Variants in EXOC2 observed in about 807,000 individuals in gnomAD.
EXOC2 encodes SEC5-like 1.
EXOC2 carries 70 observed loss-of-function variants against 131.8 expected under a neutral mutation model. The observed-to-expected ratio is 0.53, with a 90% CI of 0.44 to 0.65. EXOC2 has a LOEUF of 0.65. EXOC2 is among the 30% of genes least tolerant of loss of function. The probability of loss-of-function intolerance (pLI) is 0.00; values close to 1 mark genes in which losing one functional copy is unlikely to be tolerated. For missense variants in EXOC2, 923 were observed against 1,108.6 expected (o/e 0.83, Z 2.38); for synonymous variants, 411 against 398.4 (o/e 1.03, Z -0.38).
chr6:606,437 C>A (rs1760417848), intron 7 of EXOC2, among the ~76,000 whole-genome samples: 1 of 150,936 alleles, frequency 6.6e-6, no homozygotes, highest in Non-Finnish European at 1.5e-5. Flanking sequence ...AGAATCTCCA[C>A]ATCACAAGAA....
chr6:597,985 A>G lies in EXOC2; in HGVS notation c.1073+36T>C, dbSNP rs201907064. 290 of 1,479,636 alleles carry G rather than the reference A, an allele frequency of 2.0e-4. 2 individuals carry two copies. The highest frequency in any genetic ancestry group is 2.6e-4 in the Non-Finnish European group (273 of 1,062,068). 91.7% of individuals were successfully genotyped at this position (1,479,636 alleles called of 1,614,324 possible). A position where few individuals can be genotyped will look rare whatever the true frequency, so the allele number is the denominator to read the frequency against. On this transcript the variant is annotated intron_variant, in intron 10 of 27. Coordinates refer to ENST00000230449, the MANE Select transcript of EXOC2 (RefSeq NM_018303.6). ...AAGATGCATACAGTACCAAACAGAT[A>G]CATGTGATTCAACAAAATGTTTGCA...
intron 23 of EXOC2, among the ~76,000 whole-genome samples, chr6:515,980 AAC>A: frequency 6.6e-6 from 1 of 152,348 alleles, no homozygotes; most frequent in Middle Eastern, 3.4e-3. Context: ...TAGGAAGTCC[AAC>A]CATAACATTT....
At chr6:655,389 A>C (rs893843060) in intron 1 of EXOC2, among the ~76,000 whole-genome samples, 1 of 152,242 alleles carries the variant, frequency 6.6e-6, no homozygotes, top group East Asian at 1.9e-4. Context: ...TAATGCAAAC[A>C]TAACTTTTAT....
At chr6:643,081 A>C (rs1397160935) in intron 1 of EXOC2, among the ~76,000 whole-genome samples, 1 of 152,232 alleles carries the variant, frequency 6.6e-6, no homozygotes, top group African/African-American at 2.4e-5. Flanking sequence ...AACAATCAAA[A>C]CTGTATACAC....
chr6:551,195 T>TA (rs1757124536), intron 21 of EXOC2, among the ~76,000 whole-genome samples: 1 of 152,188 alleles, frequency 6.6e-6, no homozygotes, highest in African/African-American at 2.4e-5. Flanking sequence ...TCTTAGATTA[T>TA]TTCAGTGATC....
intron 22 of EXOC2, among the ~76,000 whole-genome samples, chr6:540,382 G>A (rs181914976): frequency 5.9e-5 from 9 of 152,248 alleles, no homozygotes; most frequent in Admixed American, 2.6e-4. Context: ...CAGAATAATC[G>A]GAAAGACACT....
At chr6:629,789 T>C in intron 4 of EXOC2, 46 bp downstream of exon 4, 1 of 1,603,156 alleles carries the variant, frequency 6.2e-7, no homozygotes, top group Non-Finnish European at 8.5e-7. Flanking sequence ...ATAAAACTTT[T>C]CAGGAACTGA....
chr6:502,441 G>A (rs533713298), intron 23 of EXOC2, among the ~76,000 whole-genome samples: 20 of 152,094 alleles, frequency 1.3e-4, no homozygotes, highest in Non-Finnish European at 2.4e-4. Context: ...GAAGCCAGGC[G>A]GTGTCACATG....
At position 610,132 on chromosome 6, in the gene EXOC2, T is replaced by C. The variant is rs1760640941; in HGVS notation, c.708A>G (p.Gly236=). 1.2e-6 allele frequency: 2 copies of C among 1,614,014 alleles called. No homozygotes were observed. The highest frequency in any genetic ancestry group is 8.5e-7 in the Non-Finnish European group (1 of 1,180,016). The part of the protein sequence containing the change: ...LEADGTEKVE[G]SMTQKLENVL... ...CATTCTCCAGTTTCTGCGTCATGGATCCTTCTACTTTTTCCGTTCCATCTG... is the reference window on the plus strand; with the variant it reads ...CATTCTCCAGTTTCTGCGTCATGGACCCTTCTACTTTTTCCGTTCCATCTG... The change falls in exon 7 of 28, where the codon GGA becomes GGG. Residue 236 remains glycine (G), a synonymous_variant. Transcript: ENST00000230449.
Position 619,595 on chromosome 6 carries a change from T to C in EXOC2, c.423-52A>G, listed in dbSNP as rs777986797. 3.9e-6 allele frequency: 5 copies of C among 1,277,188 alleles called. No homozygotes were observed. The Admixed American group carries it at 7.0e-5, about 18-fold the overall frequency. The allele number at this position is 1,277,188 out of a possible 1,614,324, so 79.1% of individuals were successfully genotyped here. ...ATTTCAATGGTTATTATGACAAAAA[T>C]GGAAAAGGTATCACTAAGTATCCAG... On this transcript the variant is annotated intron_variant, in intron 4 of 27. Transcript: ENST00000230449.
chr6:567,926 A>G (rs977473272), intron 13 of EXOC2, among the ~76,000 whole-genome samples: 24 of 152,202 alleles, frequency 1.6e-4, no homozygotes, highest in Admixed American at 1.2e-3. Context: ...AACATGCCCA[A>G]TTCTTCTCCC....
chr6:530,711 A>C (rs918417176), intron 23 of EXOC2, among the ~76,000 whole-genome samples: 9 of 152,218 alleles, frequency 5.9e-5, no homozygotes, highest in Non-Finnish European at 1.3e-4. Flanking sequence ...CATAGCAAGC[A>C]CAGGGAGTAC....
In EXOC2 at chr6:528,736, G is replaced by C. The variant is rs2493034; in HGVS notation, c.2380+3733C>G. 4.5e-3 allele frequency among the ~76,000 whole-genome samples: 692 copies of C among 152,116 alleles called. 1 individual carries two copies. The highest frequency in any genetic ancestry group is 7.8e-3 in the Admixed American group (119 of 15,304). On this transcript the variant is annotated intron_variant, in intron 23 of 27. Transcript: ENST00000230449. ...CAGCCAGAAGAATCTTAATTTTGTAGTGAAGATTATCTGAGGTTACAGACT... is the reference window on the plus strand; with the variant it reads ...CAGCCAGAAGAATCTTAATTTTGTACTGAAGATTATCTGAGGTTACAGACT...
At position 622,558 on chromosome 6, in the gene EXOC2, C is replaced by T. The variant is rs182674622; in HGVS notation, c.423-3015G>A. The stretch of plus-strand genomic sequence containing the variant: ...TCTGTGACACAATGGTAGCAAGTAA[C>T]GCAAGAAAGTATAAAATGCAGACAC... On this transcript the variant is annotated intron_variant, in intron 4 of 27. Coordinates refer to ENST00000230449, the MANE Select transcript of EXOC2 (RefSeq NM_018303.6). Among the ~76,000 whole-genome samples the T allele has an allele frequency of 3.9e-4, 59 of 152,156 alleles. 1 individual carries two copies. Among genetic ancestry groups the T allele is most frequent in the African/African-American group, 1.3e-3 (54 of 41,490 alleles).
At chr6:492,007 C>T (rs142551976) in intron 25 of EXOC2, among the ~76,000 whole-genome samples, 71 of 152,282 alleles carry the variant, frequency 4.7e-4, no homozygotes, top group African/African-American at 1.6e-3. Flanking sequence ...AAAATTAACA[C>T]GGATCACAGA....
chr6:514,943 G>A (rs1209454888), intron 23 of EXOC2, among the ~76,000 whole-genome samples: 3 of 152,240 alleles, frequency 2.0e-5, no homozygotes, highest in African/African-American at 7.2e-5. Context: ...ATCGGCGCAT[G>A]CAAACAGCTT....
At chr6:508,841 G>A (rs1165979969) in intron 23 of EXOC2, among the ~76,000 whole-genome samples, 2 of 152,214 alleles carry the variant, frequency 1.3e-5, no homozygotes, top group South Asian at 2.1e-4. Context: ...AGTTTCGTAA[G>A]AGGCTGCCAA....
At chr6:653,131 T>A (rs1262013217) in intron 1 of EXOC2, among the ~76,000 whole-genome samples, 1 of 152,184 alleles carries the variant, frequency 6.6e-6, no homozygotes, top group Non-Finnish European at 1.5e-5. Flanking sequence ...GCATTCTCTC[T>A]CCCTCTCCTC....
chr6:595,667 A>G (rs1759773290), intron 10 of EXOC2, among the ~76,000 whole-genome samples: 1 of 152,042 alleles, frequency 6.6e-6, no homozygotes, highest in African/African-American at 2.4e-5. Context: ...TTGTACACTC[A>G]ACAAGATTTA....
Sources: allele counts gnomAD v4.1 joint callset (sites outside exome capture counted in the v4.1 genomes callset), GRCh38; gene constraint gnomAD v4.1.1; transcripts MANE v1.5; gene names NCBI Gene and HGNC (gene_info 2026-07-23, HGNC 2026-07-21).